TMC7: variants seen among roughly 807,000 people sequenced by gnomAD.
TMC7 encodes transmembrane channel-like protein 7.
TMC7 carries 54 observed loss-of-function variants against 82.9 expected under a neutral mutation model. That is an observed-to-expected ratio of 0.65 (90% CI 0.52 to 0.82). TMC7 has a LOEUF of 0.82. TMC7 is among the 40% of genes least tolerant of loss of function. The pLI is 0.00. For missense variants in TMC7, 820 were observed against 901.2 expected, an observed-to-expected ratio of 0.91 and a Z score of 1.15; for synonymous variants, 350 against 337.9, an observed-to-expected ratio of 1.04 and a Z score of -0.39.
chr16:19,022,841 G>A (rs1251755647), intron 4 of TMC7, among the ~76,000 whole-genome samples: 4 of 152,174 alleles, frequency 2.6e-5, no homozygotes, highest in East Asian at 1.9e-4. Flanking sequence ...CCAGCCTGGC[G>A]AAACCCCATC....
chr16:19,013,699 G>C (rs904563081), intron 2 of TMC7, among the ~76,000 whole-genome samples: 2 of 150,184 alleles, frequency 1.3e-5, no homozygotes, highest in African/African-American at 4.9e-5. Context: ...TTTTATTTTT[G>C]GTAGAGACGG....
rs778752391 is a variant in TMC7 at position 19,055,502 on chromosome 16, C to T, written c.1872-1040C>T. 2.6e-5 allele frequency among the ~76,000 whole-genome samples: 4 copies of T among 152,124 alleles called. 1 individual carries two copies. In the South Asian group the frequency reaches 6.2e-4, roughly 24 times the overall value. ...CCTCCCGAGTAGCTGGGATTGCAGG[C>T]GCCCACCACCATGCCCAGCTAATTA... On this transcript the variant is annotated intron_variant, in intron 13 of 15. Transcript: ENST00000304381.
chr16:19,040,325 A>AT lies in TMC7; in HGVS notation c.1217dup (p.Leu407IlefsTer26). ...GATGGTTTTTGGAGAGAACCTCTTC[A>AT]TATTGTATCTACCGTCTATTGTGAT... On this transcript the variant is annotated frameshift_variant, in exon 9 of 16. Coordinates refer to ENST00000304381, the MANE Select transcript of TMC7 (RefSeq NM_024847.4). LOFTEE classifies it high-confidence loss of function. 1 of 1,613,890 alleles carries AT rather than the reference A, an allele frequency of 6.2e-7. No individual in the cohort carries two copies. Among genetic ancestry groups the AT allele is most frequent in the Non-Finnish European group, 8.5e-7 (1 of 1,180,002 alleles).
chr16:19,061,594 A>AT (rs1404854451), intron 15 of TMC7, among the ~76,000 whole-genome samples, 184 bp from the exon 16 acceptor site: 4 of 152,178 alleles, frequency 2.6e-5, no homozygotes, highest in Non-Finnish European at 5.9e-5. Context: ...TGTACTGTGC[A>AT]TTTTTTAAAA....
intron 3 of TMC7, among the ~76,000 whole-genome samples, chr16:19,019,903 G>C (rs1195832127): frequency 6.6e-6 from 1 of 152,136 alleles, no homozygotes; most frequent in Non-Finnish European, 1.5e-5. Context: ...GTATTAGACA[G>C]TGGCAAAAAA....
At chr16:19,059,705 G>A (rs1961923036) in intron 15 of TMC7, 1 of 1,525,168 alleles carries the variant, frequency 6.6e-7, no homozygotes, top group African/African-American at 1.4e-5. Context: ...GGGGGATGTG[G>A]TGGCTCATGC....
At chr16:19,036,378 A>C (rs1451254614) in intron 7 of TMC7, among the ~76,000 whole-genome samples, 1 of 152,188 alleles carries the variant, frequency 6.6e-6, no homozygotes, top group Non-Finnish European at 1.5e-5. Context: ...GCATGGTGGC[A>C]CATGCCTGTA....
intron 12 of TMC7, among the ~76,000 whole-genome samples, chr16:19,051,334 G>C (rs1316410923): frequency 2.0e-5 from 3 of 148,866 alleles, no homozygotes; most frequent in Non-Finnish European, 4.4e-5. Context: ...CATGTGCCAT[G>C]TTGTTGTGCT....
chr16:19,039,248 A>G (rs1430421515), intron 8 of TMC7, among the ~76,000 whole-genome samples: 1 of 150,852 alleles, frequency 6.6e-6, no homozygotes, highest in African/African-American at 2.4e-5. Flanking sequence ...CCGCCAACAC[A>G]CCTGGCTAAT....
Position 18,984,097 on chromosome 16 carries a change from G to A in TMC7, c.34G>A (p.Gly12Ser), listed in dbSNP as rs1596703615. ...GTCCAGCGGCAGTGCGCTCCAGCCC[G>A]GCAGGCCCAGCCGGCAGCCGGCGGT... ...SESSGSALQP[G>S]RPSRQPAVHP... Residue 12 changes from glycine to serine, a missense_variant, in exon 1 of 16, where the codon GGC becomes AGC. By Grantham distance (56) the Gly-to-Ser change is moderately conservative. Transcript: ENST00000304381. 2 of 1,503,208 alleles carry A rather than the reference G, an allele frequency of 1.3e-6. No homozygotes were observed. The highest frequency in any genetic ancestry group is 2.7e-5 in the East Asian group (1 of 36,982). The allele number at this position is 1,503,208 out of a possible 1,614,324, so 93.1% of individuals were successfully genotyped here.
At chr16:19,031,230 T>C (rs1960502191) in intron 6 of TMC7, among the ~76,000 whole-genome samples, 2 of 152,174 alleles carry the variant, frequency 1.3e-5, no homozygotes, top group Admixed American at 6.6e-5. Flanking sequence ...TAGAAAAGAC[T>C]TGTTGTATCT....
At position 19,021,767 on chromosome 16, in the gene TMC7, G is replaced by A. The variant is rs752846032; in HGVS notation, c.599G>A (p.Ser200Asn). ...LLTKYKITNSSFVLIPFKDMD... is the reference protein window; with the variant it reads ...LLTKYKITNSNFVLIPFKDMD... Reference sequence around the variant, plus strand: ...ACGAAATACAAGATCACCAACAGCAGCTTCGTGCTCATTCCTTTCAAAGAC... The same window carrying A: ...ACGAAATACAAGATCACCAACAGCAACTTCGTGCTCATTCCTTTCAAAGAC... The change falls in exon 4 of 16, where the codon AGC (serine) becomes AAC (asparagine). Residue 200 changes from serine (S) to asparagine (N), a missense_variant. Physicochemically the swap from Ser to Asn is conservative, Grantham distance 46. This residue lies in a region of TMC7 where 650 missense variants were observed against 669.9 expected (regional missense o/e 0.97). Transcript: ENST00000304381. 1 of 1,614,196 alleles carries A rather than the reference G, an allele frequency of 6.2e-7. No homozygotes were observed. The highest frequency in any genetic ancestry group is 1.1e-5 in the South Asian group (1 of 91,080).
Position 19,051,815 on chromosome 16 carries a change from C to G in TMC7, c.1870C>G (p.Arg624Gly). Residue 624 changes from arginine to glycine, a missense_variant and splice_region_variant, in exon 13 of 16, where the codon CGC becomes GGC. By Grantham distance (125) the Arg-to-Gly change is moderately radical (BLOSUM62 -2). Coordinates refer to ENST00000304381, the MANE Select transcript of TMC7 (RefSeq NM_024847.4). ...AATACCTCTGACAATCAGCATATCACGGTAAATGTGACTTTGTTTTCTAGA... is the reference window on the plus strand; with the variant it reads ...AATACCTCTGACAATCAGCATATCAGGGTAAATGTGACTTTGTTTTCTAGA... ...AIIPLTISISRIPSSKACGPF... is the reference protein window; with the variant it reads ...AIIPLTISISGIPSSKACGPF... 6.2e-7 allele frequency: 1 copy of G among 1,613,894 alleles called. No individual in the cohort carries two copies. Among genetic ancestry groups the G allele is most frequent in the Admixed American group, 1.7e-5 (1 of 59,968 alleles).
At chr16:19,029,356 G>C (rs535688035) in intron 5 of TMC7, among the ~76,000 whole-genome samples, 13 of 152,022 alleles carry the variant, frequency 8.6e-5, no homozygotes, top group Admixed American at 7.9e-4. Context: ...TATTCTTTTC[G>C]ATGCTATGGC....
At chr16:19,016,397 T>C in intron 2 of TMC7, 53 bp from the exon 3 acceptor site, 1 of 1,606,968 alleles carries the variant, frequency 6.2e-7, no homozygotes, top group Non-Finnish European at 8.5e-7. Context: ...GCTGGGATGC[T>C]GAGTCTTGAT....
intron 1 of TMC7, among the ~76,000 whole-genome samples, chr16:18,985,256 C>CA (rs5816022): frequency 0.51 from 68,144 of 134,114 alleles, 17,598 homozygotes; most frequent in East Asian, 0.76. Flanking sequence ...AAGACTGTTT[C>CA]AAAAAAAAAA....
chr16:19,022,748 G>T (rs1472958915), intron 4 of TMC7, among the ~76,000 whole-genome samples: 1 of 152,228 alleles, frequency 6.6e-6, no homozygotes, highest in African/African-American at 2.4e-5. Context: ...GCAGGCTGTG[G>T]CCGGGTCCGG....
At chr16:19,059,290 C>A in intron 14 of TMC7, 126 bp from the exon 15 acceptor site, 1 of 1,471,788 alleles carries the variant, frequency 6.8e-7, no homozygotes, top group Non-Finnish European at 9.0e-7. Flanking sequence ...ATAAAATGAG[C>A]CATCATGCCC....
In TMC7 at chr16:18,984,216, G is replaced by A. The variant is rs2038802209; in HGVS notation, c.67+86G>A. The A allele has an allele frequency of 3.6e-6, 5 of 1,380,806 alleles. No individual in the cohort carries two copies. The South Asian group carries it at 6.7e-5, about 18-fold the overall frequency. The allele number at this position is 1,380,806 out of a possible 1,614,324, so 85.5% of individuals were successfully genotyped here. On this transcript the variant is annotated intron_variant, in intron 1 of 15. Coordinates refer to ENST00000304381, the MANE Select transcript of TMC7 (RefSeq NM_024847.4). ...GAGCCGGGTGCTGGAGGCTCGGCCT[G>A]GCCGCTGTTCCCTCCCACCCCCGAC...
Sources: gnomAD v4.1 joint callset for allele counts (sites outside exome capture counted in the v4.1 genomes callset) on GRCh38, gnomAD v4.1.1 for gene constraint, gnomAD v4.1.1 regional missense constraint, MANE v1.5 for transcripts, NCBI Gene and HGNC (gene_info 2026-07-23, HGNC 2026-07-21) for gene names.